IL12RB2: variants seen among roughly 807,000 people sequenced by gnomAD.
IL12RB2 encodes interleukin 12 receptor subunit beta 2.
IL12RB2 carries 82 observed loss-of-function variants against 89.4 expected under a neutral mutation model. The observed-to-expected ratio is 0.92, with a 90% CI of 0.77 to 1.10. The LOEUF is 1.10. Among genes scored for constraint, IL12RB2 ranks in the 50% least tolerant of loss-of-function variants. The pLI, the probability that IL12RB2 is intolerant of heterozygous loss-of-function variation, is 0.00. For missense variants in IL12RB2, 963 were observed against 1,031.9 expected, an observed-to-expected ratio of 0.93 and a Z score of 0.92; for synonymous variants, 368 against 370.1, an observed-to-expected ratio of 0.99 and a Z score of 0.07.
rs578040428 is a variant in IL12RB2 at position 67,374,845 on chromosome 1, A to G, written c.1717+2062A>G. Among the ~76,000 whole-genome samples, 6 of 119,632 alleles carry G rather than the reference A, an allele frequency of 5.0e-5. No homozygotes were observed. In the South Asian group the frequency reaches 1.1e-3, roughly 23 times the overall value. 78.5% of individuals were successfully genotyped at this position (119,632 alleles called of 152,430 possible). A position where few individuals can be genotyped will look rare whatever the true frequency, so the allele number is the denominator to read the frequency against. ...CTACTTTAATAGTCAAAGCCTCTTG[A>G]GTCTGTTGATTCTTAAAGCTGCTCT... On this transcript the variant is annotated intron_variant, in intron 13 of 16. Coordinates refer to ENST00000674203, the MANE Select transcript of IL12RB2 (RefSeq NM_001374259.2).
chr1:67,382,184 C>T (rs1332332292), intron 14 of IL12RB2, among the ~76,000 whole-genome samples: 1 of 152,134 alleles, frequency 6.6e-6, no homozygotes. Context: ...GAGTTCCACA[C>T]CTGCCTGGGC....
chr1:67,337,913 A>AG (rs1553313306), intron 8 of IL12RB2, among the ~76,000 whole-genome samples: 259 of 144,748 alleles, frequency 1.8e-3, no homozygotes, highest in African/African-American at 6.1e-3. Context: ...AAAAAAAAAA[A>AG]AAAAGAAAAG....
At position 67,320,374 on chromosome 1, in the gene IL12RB2, A is replaced by G. The variant is rs1186384271; in HGVS notation, c.6A>G (p.Ala2=). Residue 2 remains alanine, a synonymous_variant, in exon 3 of 17, where the codon GCA becomes GCG. Transcript: ENST00000674203. M[A]HTFRGCSLAF... ...TATACCAGAGTTGATTGTTGATGGC[A>G]CATACTTTTAGAGGATGCTCATTGG... 2.5e-6 allele frequency: 4 copies of G among 1,613,972 alleles called. No individual in the cohort carries two copies. The South Asian group carries it at 3.3e-5, about 13-fold the overall frequency.
At chr1:67,337,660 G>T (rs1335094738) in intron 8 of IL12RB2, among the ~76,000 whole-genome samples, 1 of 151,986 alleles carries the variant, frequency 6.6e-6, no homozygotes, top group Non-Finnish European at 1.5e-5. Context: ...CAATTATTAG[G>T]AGCCTATTAT....
intron 14 of IL12RB2, among the ~76,000 whole-genome samples, chr1:67,383,296 C>T (rs1438055838): frequency 6.6e-6 from 1 of 152,170 alleles, no homozygotes; most frequent in Non-Finnish European, 1.5e-5. Flanking sequence ...TACCTCCCCG[C>T]AAGTCCCTCA....
intron 16 of IL12RB2, among the ~76,000 whole-genome samples, chr1:67,393,434 T>G (rs1666040111): frequency 6.6e-6 from 1 of 152,188 alleles, no homozygotes; most frequent in African/African-American, 2.4e-5. Context: ...AGCAAACACC[T>G]CACCTTGTGA....
intron 15 of IL12RB2, among the ~76,000 whole-genome samples, chr1:67,388,869 T>C (rs1329523844): frequency 6.6e-6 from 1 of 152,216 alleles, no homozygotes. Context: ...TACCAGCCAT[T>C]GAACTTGTCT....
At chr1:67,311,677 G>T (rs1351964056) in intron 1 of IL12RB2, among the ~76,000 whole-genome samples, 1 of 152,132 alleles carries the variant, frequency 6.6e-6, no homozygotes, top group African/African-American at 2.4e-5. Flanking sequence ...AAAATATCAG[G>T]AGATACTGAG....
At chr1:67,369,245 T>C (rs1663028348) in intron 11 of IL12RB2, among the ~76,000 whole-genome samples, 1 of 152,196 alleles carries the variant, frequency 6.6e-6, no homozygotes, top group African/African-American at 2.4e-5. Context: ...CTGGAACTTC[T>C]AATCTGGAAA....
intron 14 of IL12RB2, among the ~76,000 whole-genome samples, chr1:67,382,291 A>T (rs1040338400): frequency 6.6e-6 from 1 of 152,200 alleles, no homozygotes; most frequent in Non-Finnish European, 1.5e-5. Context: ...TAACTTCCCT[A>T]TTCAGCCCTG....
At chr1:67,320,737 T>C (rs960781390) in intron 3 of IL12RB2, among the ~76,000 whole-genome samples, 4 of 152,208 alleles carry the variant, frequency 2.6e-5, no homozygotes, top group African/African-American at 7.2e-5. Context: ...TTCTTTTTTT[T>C]CTTTTCTTTT....
chr1:67,398,154 C>T lies in IL12RB2; in HGVS notation c.*2065C>T, dbSNP rs1345612371. Among the ~76,000 whole-genome samples the T allele has an allele frequency of 2.0e-5, 3 of 152,138 alleles. No homozygotes were observed. Among genetic ancestry groups the T allele is most frequent in the Non-Finnish European group, 4.4e-5 (3 of 68,024 alleles). On this transcript the variant is annotated 3_prime_UTR_variant, in exon 17 of 17. Coordinates refer to ENST00000674203, the MANE Select transcript of IL12RB2 (RefSeq NM_001374259.2). ...CGGCACCCCCAATGGTTCCTTTCCT[C>T]TCAGCATCGCTGTAGCTTGCCTGTA...
At chr1:67,383,448 C>A (rs1332658621) in intron 14 of IL12RB2, among the ~76,000 whole-genome samples, 1 of 152,136 alleles carries the variant, frequency 6.6e-6, no homozygotes, top group Non-Finnish European at 1.5e-5. Flanking sequence ...TTTGAACAGT[C>A]CCCTGAAGTC....
chr1:67,317,424 C>A lies in IL12RB2; in HGVS notation c.-36-2909C>A, dbSNP rs571710398. Among the ~76,000 whole-genome samples, 50 of 152,172 alleles carry A rather than the reference C, an allele frequency of 3.3e-4. 1 individual carries two copies. Among genetic ancestry groups the A allele is most frequent in the South Asian group, 1.7e-3 (8 of 4,830 alleles). On this transcript the variant is annotated intron_variant, in intron 2 of 16. Coordinates refer to ENST00000674203, the MANE Select transcript of IL12RB2 (RefSeq NM_001374259.2). ...TTAGAAGCTGTCACATTCATTGGCT[C>A]GTGGCTCCTTCCACCACTTCAGAGC...
intron 10 of IL12RB2, among the ~76,000 whole-genome samples, chr1:67,366,700 T>C (rs1010897421): frequency 1.3e-5 from 2 of 152,176 alleles, no homozygotes; most frequent in Non-Finnish European, 2.9e-5. Flanking sequence ...TCTATGCATA[T>C]ATATCCAGAA....
intron 11 of IL12RB2, among the ~76,000 whole-genome samples, chr1:67,369,714 T>A (rs905386726): frequency 6.6e-6 from 1 of 152,256 alleles, no homozygotes; most frequent in African/African-American, 2.4e-5. Context: ...AGTGTCTTTA[T>A]GCACTTTAGA....
intron 1 of IL12RB2, among the ~76,000 whole-genome samples, chr1:67,313,225 C>T (rs888603396): frequency 1.6e-4 from 19 of 117,290 alleles, no homozygotes; most frequent in African/African-American, 3.3e-4. Flanking sequence ...GCATCAGATA[C>T]GGTTACATAT....
At chr1:67,318,290 A>G (rs906891597) in intron 2 of IL12RB2, among the ~76,000 whole-genome samples, 1 of 152,196 alleles carries the variant, frequency 6.6e-6, no homozygotes, top group Non-Finnish European at 1.5e-5. Flanking sequence ...TGGGCTGTGG[A>G]TATTTTTCTA....
At chr1:67,359,251 C>A (rs2100908493) in intron 10 of IL12RB2, among the ~76,000 whole-genome samples, 1 of 152,314 alleles carries the variant, frequency 6.6e-6, no homozygotes, top group East Asian at 1.9e-4. Context: ...AATGTTAGTT[C>A]AAGTTGCTAT....
Sources: allele counts gnomAD v4.1 joint callset (sites outside exome capture counted in the v4.1 genomes callset), GRCh38; gene constraint gnomAD v4.1.1; transcripts MANE v1.5; gene names NCBI Gene and HGNC (gene_info 2026-07-23, HGNC 2026-07-21).